GPHN: variants seen among roughly 807,000 people sequenced by gnomAD.
GPHN encodes gephyrin.
In GPHN, 17 loss-of-function variants were observed where a neutral mutation model predicts 95.5. That is an observed-to-expected ratio of 0.18 (90% CI 0.12 to 0.27). GPHN has a LOEUF of 0.27. Ranked by LOEUF, GPHN falls within the 10% of genes least tolerant of loss-of-function variation. The pLI is 1.00. For synonymous variants in GPHN, 320 were observed against 322.5 expected (o/e 0.99, Z 0.08); for missense variants, 660 against 978.1 (o/e 0.67, Z 4.34).
chr14:67,098,065 A>G (rs948706017), intron 12 of GPHN, among the ~76,000 whole-genome samples: 4 of 152,120 alleles, frequency 2.6e-5, no homozygotes, highest in African/African-American at 9.7e-5. Flanking sequence ...ACCTTGTAAC[A>G]CACACCATCA....
At chr14:66,705,769 C>T (rs193027640) in intron 2 of GPHN, among the ~76,000 whole-genome samples, 5 of 152,178 alleles carry the variant, frequency 3.3e-5, no homozygotes, top group African/African-American at 4.8e-5. Flanking sequence ...ACAAGGATGC[C>T]CTATCTCACC....
At chr14:66,879,848 T>G in intron 4 of GPHN, 91 bp from the exon 5 acceptor site, 2 of 816,072 alleles carry the variant, frequency 2.5e-6, no homozygotes, top group Non-Finnish European at 4.3e-6. Context: ...GAAAGCCTGG[T>G]TTATAATCAT....
intron 3 of GPHN, among the ~76,000 whole-genome samples, chr14:66,789,519 G>A (rs1274095571): frequency 6.6e-6 from 1 of 152,160 alleles, no homozygotes; most frequent in African/African-American, 2.4e-5. Context: ...CTGGCTTTAG[G>A]GTTGATCCCT....
At chr14:66,763,384 T>G (rs1595824605) in intron 2 of GPHN, among the ~76,000 whole-genome samples, 1 of 90,358 alleles carries the variant, frequency 1.1e-5, no homozygotes, top group Non-Finnish European at 2.1e-5. Flanking sequence ...ATGCTATCCC[T>G]CCCCCCTCCC....
At chr14:67,673,328 A>T in the GPHN span, among the ~76,000 whole-genome samples, 1 of 152,102 alleles carries the variant, frequency 6.6e-6, no homozygotes, top group Non-Finnish European at 1.5e-5. Flanking sequence ...TGGGTGACAG[A>T]GTGAGACCCT....
intron 1 of GPHN, among the ~76,000 whole-genome samples, chr14:66,598,829 A>G (rs2062094205): frequency 7.2e-6 from 1 of 139,212 alleles, no homozygotes; most frequent in Admixed American, 7.5e-5. Context: ...ACAGAGTGAG[A>G]CTCTGTCTCA....
the GPHN span, among the ~76,000 whole-genome samples, chr14:67,704,703 A>T: frequency 6.6e-6 from 1 of 152,226 alleles, no homozygotes; most frequent in African/African-American, 2.4e-5. Flanking sequence ...GTCTCACCCC[A>T]AATCACCAGG....
chr14:66,531,355 A>G (rs911589097), intron 1 of GPHN, among the ~76,000 whole-genome samples: 3 of 152,136 alleles, frequency 2.0e-5, no homozygotes, highest in Non-Finnish European at 4.4e-5. Flanking sequence ...GAATCACTTG[A>G]ACCTGGGAGG....
the GPHN span, chr14:67,575,451 C>A: frequency 6.2e-7 from 1 of 1,606,016 alleles, no homozygotes; most frequent in Non-Finnish European, 8.5e-7. Context: ...TCTTCTACTA[C>A]TATCGGAGCC....
chr14:67,579,969 G>C, the GPHN span: 1 of 1,233,794 alleles, frequency 8.1e-7, no homozygotes, highest in African/African-American at 1.5e-5. Flanking sequence ...CTGACTGTTT[G>C]GTAGCTCATT....
the GPHN span, chr14:67,470,291 T>C: frequency 6.6e-6 from 1 of 152,136 alleles, no homozygotes; most frequent in East Asian, 1.9e-4. Context: ...ACCAGTATAT[T>C]TTATGTGCAC....
chr14:67,142,019 A>G (rs2080488172), intron 17 of GPHN, among the ~76,000 whole-genome samples: 1 of 152,212 alleles, frequency 6.6e-6, no homozygotes, highest in African/African-American at 2.4e-5. Flanking sequence ...CATTTATGGA[A>G]GGATACAAGG....
intron 1 of GPHN, among the ~76,000 whole-genome samples, chr14:66,561,717 A>G (rs1328283055): frequency 6.6e-6 from 1 of 152,136 alleles, no homozygotes; most frequent in Non-Finnish European, 1.5e-5. Context: ...AAGTTACTAT[A>G]CTTTTAGTTT....
the GPHN span, among the ~76,000 whole-genome samples, chr14:67,250,197 TC>T: frequency 6.6e-6 from 1 of 152,184 alleles, no homozygotes; most frequent in Non-Finnish European, 1.5e-5. Context: ...CACCCACTCT[TC>T]CTTCCTCCAG....
chr14:67,668,681 C>G, the GPHN span, among the ~76,000 whole-genome samples: 1 of 152,152 alleles, frequency 6.6e-6, no homozygotes, highest in Admixed American at 6.6e-5. Flanking sequence ...CAACATTGAG[C>G]TTATATTCTA....
the GPHN span, among the ~76,000 whole-genome samples, chr14:67,419,701 T>C: frequency 3.3e-5 from 5 of 152,146 alleles, no homozygotes; most frequent in Non-Finnish European, 5.9e-5. Flanking sequence ...ATACAAAAAT[T>C]AGCCGGGCGT....
intron 1 of GPHN, among the ~76,000 whole-genome samples, chr14:66,651,448 A>G (rs2065038598): frequency 6.6e-6 from 1 of 152,166 alleles, no homozygotes; most frequent in African/African-American, 2.4e-5. Context: ...CAGCTAGTGT[A>G]TGATCACCTA....
At chr14:67,188,699 A>G in the GPHN span, among the ~76,000 whole-genome samples, 1 of 152,184 alleles carries the variant, frequency 6.6e-6, no homozygotes, top group Non-Finnish European at 1.5e-5. Context: ...GACTCAGCCA[A>G]TCAAGTGCAT....
chr14:67,561,904 C>G, the GPHN span: 7 of 1,231,766 alleles, frequency 5.7e-6, no homozygotes, highest in Non-Finnish European at 8.3e-6. Context: ...AAAAATACAT[C>G]TAAACCTGTA....
Sources: gnomAD v4.1 joint callset for allele counts (sites outside exome capture counted in the v4.1 genomes callset) on GRCh38, gnomAD v4.1.1 for gene constraint, MANE v1.5 for transcripts, NCBI Gene and HGNC (gene_info 2026-07-23, HGNC 2026-07-21) for gene names.